CTNNA3: variants seen among roughly 807,000 people sequenced by gnomAD.
CTNNA3 encodes catenin alpha-3.
A neutral mutation model predicts 95.7 loss-of-function variants in CTNNA3; 76 were observed. The observed-to-expected ratio is 0.79, with a 90% CI of 0.66 to 0.96. The LOEUF (loss-of-function observed/expected upper bound fraction) is 0.96, where lower values mean the gene tolerates loss of function less well. Among genes scored for constraint, CTNNA3 ranks in the 40% least tolerant of loss-of-function variants. The pLI, the probability that CTNNA3 is intolerant of heterozygous loss-of-function variation, is 0.00. For synonymous variants in CTNNA3, 431 were observed against 374.4 expected (o/e 1.15, Z -1.74); for missense variants, 1,191 against 1,089.8 (o/e 1.09, Z -1.31).
At chr10:66,165,240 G>A (rs2085064731) in intron 13 of CTNNA3, among the ~76,000 whole-genome samples, 1 of 152,020 alleles carries the variant, frequency 6.6e-6, no homozygotes, top group Non-Finnish European at 1.5e-5. Flanking sequence ...TAAAGAATGG[G>A]GACCCTATAG....
intron 12 of CTNNA3, among the ~76,000 whole-genome samples, chr10:66,352,755 A>C (rs2092576787): frequency 6.6e-6 from 1 of 152,142 alleles, no homozygotes; most frequent in Non-Finnish European, 1.5e-5. Flanking sequence ...GATACTTAAC[A>C]ATATAATTCC....
chr10:67,298,510 AT>A (rs1405689092), intron 5 of CTNNA3, among the ~76,000 whole-genome samples: 1 of 152,242 alleles, frequency 6.6e-6, no homozygotes, highest in African/African-American at 2.4e-5. Flanking sequence ...TAAAGTTACT[AT>A]AGTACTTGCT....
At chr10:66,958,508 CT>C (rs1235782432) in intron 7 of CTNNA3, among the ~76,000 whole-genome samples, 11 of 152,092 alleles carry the variant, frequency 7.2e-5, no homozygotes, top group African/African-American at 2.7e-4. Flanking sequence ...TTAGCTATCT[CT>C]TTGTCACAAA....
At chr10:67,418,143 G>A (rs12411551) in intron 5 of CTNNA3, among the ~76,000 whole-genome samples, 4,573 of 152,124 alleles carry the variant, frequency 0.03, 93 homozygotes, top group South Asian at 0.096. Context: ...ATGAAATAAC[G>A]TCTTTTATTC....
chr10:67,280,744 C>T (rs941924143), intron 5 of CTNNA3, among the ~76,000 whole-genome samples: 5 of 152,138 alleles, frequency 3.3e-5, no homozygotes, highest in African/African-American at 1.2e-4. Flanking sequence ...GCATTTATCA[C>T]TGGGACCATT....
intron 5 of CTNNA3, among the ~76,000 whole-genome samples, chr10:67,253,249 G>A (rs1589090134): frequency 6.6e-6 from 1 of 152,162 alleles, no homozygotes; most frequent in South Asian, 2.1e-4. Flanking sequence ...TGTGCTAGAG[G>A]AAAAGATCAT....
intron 17 of CTNNA3, among the ~76,000 whole-genome samples, chr10:65,937,719 TA>T (rs1172372657): frequency 1.3e-5 from 2 of 152,288 alleles, no homozygotes; most frequent in African/African-American, 4.8e-5. Context: ...AAAATGAATA[TA>T]AAACAAAAGA....
At chr10:67,232,948 C>A (rs1352471101) in intron 5 of CTNNA3, among the ~76,000 whole-genome samples, 1 of 152,130 alleles carries the variant, frequency 6.6e-6, no homozygotes, top group African/African-American at 2.4e-5. Context: ...ATCAATTCAA[C>A]AAGAAGAGCT....
intron 7 of CTNNA3, among the ~76,000 whole-genome samples, chr10:66,930,984 C>G (rs1847354137): frequency 6.6e-6 from 1 of 151,844 alleles, no homozygotes; most frequent in East Asian, 1.9e-4. Context: ...ACTAGTTTAC[C>G]ACTGTAAATT....
chr10:66,430,738 A>C lies in CTNNA3; in HGVS notation c.1532-51386T>G, dbSNP rs190574651. On this transcript the variant is annotated intron_variant, in intron 11 of 17. Transcript: ENST00000433211. Reference sequence around the variant, plus strand: ...AAACTGGATCCCTTCCTTACACCTTATACAAAATTTAATTCAAGATGGATT... The same window carrying C: ...AAACTGGATCCCTTCCTTACACCTTCTACAAAATTTAATTCAAGATGGATT... 3.4e-4 allele frequency among the ~76,000 whole-genome samples: 52 copies of C among 152,334 alleles called. 1 individual carries two copies. The highest frequency in any genetic ancestry group is 1.3e-3 in the African/African-American group (52 of 41,570).
At position 67,564,131 on chromosome 10, in the gene CTNNA3, T is replaced by C. The variant is rs186564874; in HGVS notation, c.293-24462A>G. ...CTAGAAATACCATTTGACCCAGTGA[T>C]CCCATTACTGGGTATATACCCAAAG... On this transcript the variant is annotated intron_variant, in intron 3 of 17. Transcript: ENST00000433211. Among the ~76,000 whole-genome samples the C allele has an allele frequency of 1.9e-3, 285 of 149,836 alleles. 12 individuals are homozygous for C. Among genetic ancestry groups the C allele is most frequent in the Middle Eastern group, 3.4e-3 (1 of 294 alleles).
intron 11 of CTNNA3, among the ~76,000 whole-genome samples, chr10:66,436,519 TTTTTTTTG>T (rs1323608793): frequency 0.011 from 1,480 of 138,770 alleles, 12 homozygotes; most frequent in African/African-American, 0.035. Context: ...TTTTTTTTTT[TTTTTTTTG>T]CTTTCTATTT....
intron 13 of CTNNA3, among the ~76,000 whole-genome samples, chr10:66,131,097 G>GC (rs1277048865): frequency 1.4e-5 from 2 of 144,344 alleles, no homozygotes; most frequent in Admixed American, 6.9e-5. Context: ...AAGAAGAAAA[G>GC]CCCTGGACCA....
intron 5 of CTNNA3, among the ~76,000 whole-genome samples, chr10:67,307,567 G>C (rs1261191679): frequency 6.6e-6 from 1 of 152,146 alleles, no homozygotes; most frequent in Admixed American, 6.5e-5. Context: ...CCCATTCAGT[G>C]CTTGTCTAGT....
At chr10:66,183,953 T>C (rs2086186723) in intron 13 of CTNNA3, among the ~76,000 whole-genome samples, 1 of 152,206 alleles carries the variant, frequency 6.6e-6, no homozygotes, top group African/African-American at 2.4e-5. Context: ...AGATACTACC[T>C]CTTTATCAAT....
chr10:66,242,130 C>CAGAA (rs1443478017), intron 13 of CTNNA3, among the ~76,000 whole-genome samples: 1 of 152,100 alleles, frequency 6.6e-6, no homozygotes, highest in Non-Finnish European at 1.5e-5. Context: ...CAGAACTCTG[C>CAGAA]AGAAAGCCCT....
chr10:66,480,735 G>T (rs902042705), intron 11 of CTNNA3, among the ~76,000 whole-genome samples: 1 of 152,074 alleles, frequency 6.6e-6, no homozygotes, highest in Non-Finnish European at 1.5e-5. Context: ...CTCCTGAGTA[G>T]CTGGGACTAC....
intron 10 of CTNNA3, among the ~76,000 whole-genome samples, chr10:66,522,659 T>C (rs554657553): frequency 1.3e-5 from 2 of 152,040 alleles, no homozygotes; most frequent in African/African-American, 4.8e-5. Flanking sequence ...CCTTTATGGA[T>C]TACCCAGTCT....
chr10:67,025,993 T>C (rs1269217703), intron 7 of CTNNA3, among the ~76,000 whole-genome samples: 2 of 150,234 alleles, frequency 1.3e-5, no homozygotes, highest in South Asian at 2.1e-4. Flanking sequence ...TCATTCTCAG[T>C]AAACTATCGC....
Sources: allele counts gnomAD v4.1 joint callset (sites outside exome capture counted in the v4.1 genomes callset), GRCh38; gene constraint gnomAD v4.1.1; transcripts MANE v1.5; gene names NCBI Gene and HGNC (gene_info 2026-07-23, HGNC 2026-07-21).